SYT16: variants seen among roughly 807,000 people sequenced by gnomAD.
SYT16 encodes the protein synaptotagmin 16.
In SYT16, 42 loss-of-function variants were observed where a neutral mutation model predicts 61.4. The observed-to-expected ratio is 0.68, with a 90% CI of 0.53 to 0.89. The LOEUF is 0.89. SYT16 is among the 40% of genes least tolerant of loss of function. The probability of loss-of-function intolerance (pLI) is 0.00; values close to 1 mark genes in which losing one functional copy is unlikely to be tolerated. For missense variants in SYT16, 804 were observed against 807.3 expected, an observed-to-expected ratio of 1.00 and a Z score of 0.05; for synonymous variants, 314 against 302.3, an observed-to-expected ratio of 1.04 and a Z score of -0.40.
At chr14:61,898,359 C>G (rs1262113854) in intron 1 of SYT16, among the ~76,000 whole-genome samples, 6 of 152,182 alleles carry the variant, frequency 3.9e-5, no homozygotes, top group Admixed American at 6.5e-5. Context: ...TCTCACTGTG[C>G]CTGTTCCCTG....
At chr14:61,858,456 G>T (rs1201382038) in intron 1 of SYT16, among the ~76,000 whole-genome samples, 1 of 152,124 alleles carries the variant, frequency 6.6e-6, no homozygotes, top group Non-Finnish European at 1.5e-5. Flanking sequence ...GACAGGGCCT[G>T]GGAATACTTC....
chr14:61,950,806 T>G (rs1283375922), intron 1 of SYT16, among the ~76,000 whole-genome samples: 1 of 152,184 alleles, frequency 6.6e-6, no homozygotes, highest in Non-Finnish European at 1.5e-5. Context: ...TCTTTTTTTG[T>G]AATTAAAAAG....
chr14:62,054,994 A>T (rs867226648), intron 3 of SYT16, among the ~76,000 whole-genome samples: 80 of 151,842 alleles, frequency 5.3e-4, no homozygotes, highest in South Asian at 1.0e-3. Context: ...CAATGAGATT[A>T]AAAAAAATCT....
Position 61,996,357 on chromosome 14 carries a change from C to T in SYT16, c.338C>T (p.Ala113Val). 6.2e-7 allele frequency: 1 copy of T among 1,613,514 alleles called. No individual in the cohort carries two copies. Among genetic ancestry groups the T allele is most frequent in the Non-Finnish European group, 8.5e-7 (1 of 1,179,592 alleles). The change falls in exon 3 of 8, where the codon GCA (alanine) becomes GTA (valine). Residue 113 changes from alanine (A) to valine (V), a missense_variant. By Grantham distance (64) the Ala-to-Val change is moderately conservative. Transcript: ENST00000683842. ...QNSSPSLSQH[A>V]KDSCSTMSQW... ...TCAAGCCCAAGCCTTAGCCAACATGCAAAGGACTCATGTTCCACAATGTCC... is the reference window on the plus strand; with the variant it reads ...TCAAGCCCAAGCCTTAGCCAACATGTAAAGGACTCATGTTCCACAATGTCC...
intron 3 of SYT16, among the ~76,000 whole-genome samples, chr14:62,058,795 C>T (rs536853217): frequency 2.6e-5 from 4 of 152,046 alleles, no homozygotes; most frequent in East Asian, 3.9e-4. Context: ...AAAATTTTGT[C>T]GATAGCAAAG....
intron 3 of SYT16, among the ~76,000 whole-genome samples, chr14:62,044,590 T>TA (rs1356039773): frequency 1.3e-5 from 2 of 152,220 alleles, no homozygotes; most frequent in Non-Finnish European, 2.9e-5. Flanking sequence ...CTGAGAATGA[T>TA]GGTTTCTAGC....
intron 4 of SYT16, among the ~76,000 whole-genome samples, chr14:62,071,374 C>T (rs1231151546): frequency 6.6e-6 from 1 of 152,212 alleles, no homozygotes; most frequent in Non-Finnish European, 1.5e-5. Context: ...TCTGAGAGTT[C>T]TGACAACCAT....
intron 1 of SYT16, among the ~76,000 whole-genome samples, chr14:61,916,964 A>T (rs1365199795): frequency 6.6e-6 from 1 of 152,072 alleles, no homozygotes; most frequent in East Asian, 1.9e-4. Context: ...TGTATATATG[A>T]CACATTTTCT....
chr14:61,978,711 T>C (rs897731834), intron 2 of SYT16, among the ~76,000 whole-genome samples: 1 of 152,216 alleles, frequency 6.6e-6, no homozygotes. Context: ...ACTGGACCAG[T>C]GCCCCTTTGC....
chr14:61,823,074 C>A (rs538533748), intron 1 of SYT16, among the ~76,000 whole-genome samples: 28 of 152,200 alleles, frequency 1.8e-4, no homozygotes, highest in African/African-American at 6.0e-4. Context: ...CTCACTGCAA[C>A]CTCTGCCTCC....
Position 62,081,328 on chromosome 14 carries a change from T to A in SYT16, c.1434+54T>A, listed in dbSNP as rs2056700717. The A allele has an allele frequency of 9.8e-6, 15 of 1,531,258 alleles. 1 individual carries two copies. Among genetic ancestry groups the A allele is most frequent in the Non-Finnish European group, 1.1e-5 (12 of 1,129,816 alleles). The allele number at this position is 1,531,258 out of a possible 1,614,324, so 94.9% of individuals were successfully genotyped here. On this transcript the variant is annotated intron_variant, in intron 6 of 7. Coordinates refer to ENST00000683842, the MANE Select transcript of SYT16 (RefSeq NM_001367656.1). ...ATGTGGTGTGTTCGAAGACCTGGGA[T>A]TGTCAGCCCTTGATTTAGTACGTTC...
At chr14:62,055,193 G>T (rs913873132) in intron 3 of SYT16, among the ~76,000 whole-genome samples, 1 of 152,188 alleles carries the variant, frequency 6.6e-6, no homozygotes, top group Admixed American at 6.5e-5. Context: ...GTAAATTACA[G>T]TCTTGGCCAT....
chr14:61,822,016 C>T (rs2045633831), intron 1 of SYT16, among the ~76,000 whole-genome samples: 1 of 152,144 alleles, frequency 6.6e-6, no homozygotes, highest in African/African-American at 2.4e-5. Context: ...AACACGATCA[C>T]AAAGGTAAAG....
chr14:61,845,088 C>A (rs1180886897), intron 1 of SYT16, among the ~76,000 whole-genome samples: 1 of 142,440 alleles, frequency 7.0e-6, no homozygotes, highest in Non-Finnish European at 1.5e-5. Context: ...CACACTGTCA[C>A]CCCAGCTGGA....
At chr14:61,902,905 C>A (rs1043066980) in intron 1 of SYT16, among the ~76,000 whole-genome samples, 3 of 152,170 alleles carry the variant, frequency 2.0e-5, no homozygotes, top group African/African-American at 7.2e-5. Flanking sequence ...AAACTGCTCC[C>A]ATGATTCAAT....
At chr14:61,818,779 T>C (rs1339158286) in intron 1 of SYT16, among the ~76,000 whole-genome samples, 2 of 152,160 alleles carry the variant, frequency 1.3e-5, no homozygotes, top group Admixed American at 6.5e-5. Context: ...GTGCACTTGT[T>C]TTAAGTTTGA....
At chr14:61,973,183 A>T (rs1245466681) in intron 2 of SYT16, among the ~76,000 whole-genome samples, 1 of 152,202 alleles carries the variant, frequency 6.6e-6, no homozygotes, top group Non-Finnish European at 1.5e-5. Flanking sequence ...CTACTATGCA[A>T]AATGATTTGC....
chr14:61,929,583 G>A (rs1282597859), intron 1 of SYT16, among the ~76,000 whole-genome samples: 2 of 152,188 alleles, frequency 1.3e-5, no homozygotes, highest in Admixed American at 6.5e-5. Context: ...TTTTGCCTTT[G>A]ATCCGTGAAT....
chr14:61,936,375 A>T (rs1029179358), intron 1 of SYT16, among the ~76,000 whole-genome samples: 2 of 152,124 alleles, frequency 1.3e-5, no homozygotes, highest in Admixed American at 1.3e-4. Flanking sequence ...TTGATACTAG[A>T]TCATTTTAAA....
Sources: gnomAD v4.1 joint callset for allele counts (sites outside exome capture counted in the v4.1 genomes callset) on GRCh38, gnomAD v4.1.1 for gene constraint, MANE v1.5 for transcripts, NCBI Gene and HGNC (gene_info 2026-07-23, HGNC 2026-07-21) for gene names.